Variants in BTG4 observed in about 807,000 individuals in gnomAD.
BTG4 encodes the protein BTG anti-proliferation factor 4.
Under a neutral mutation model 19.3 loss-of-function variants are expected in BTG4, and 10 were observed. The ratio of observed to expected loss-of-function variants is 0.52; its 90% CI spans 0.32 to 0.88. The LOEUF is 0.88. Ranked by LOEUF, BTG4 falls within the 40% of genes least tolerant of loss-of-function variation. BTG4 has a pLI of 0.04. For synonymous variants in BTG4, 91 were observed against 95.7 expected (o/e 0.95, Z 0.29); for missense variants, 238 against 281.9 (o/e 0.84, Z 1.11).
chr11:111,389,735 T>G, the BTG4 span, among the ~76,000 whole-genome samples: 1 of 152,234 alleles, frequency 6.6e-6, no homozygotes, highest in Non-Finnish European at 1.5e-5. Context: ...GTATAATAAA[T>G]GTAACAGGTG....
intron 1 of BTG4, among the ~76,000 whole-genome samples, chr11:111,503,188 T>C (rs1866208629): frequency 6.6e-6 from 1 of 152,220 alleles, no homozygotes; most frequent in Admixed American, 6.5e-5. Flanking sequence ...ACTCAAAATT[T>C]ACCCCAAGTT....
chr11:111,419,005 TC>T, the BTG4 span, among the ~76,000 whole-genome samples: 1 of 152,232 alleles, frequency 6.6e-6, no homozygotes, highest in East Asian at 1.9e-4. Flanking sequence ...CCGCCTTCTC[TC>T]TTTGTCTTCA....
upstream of BTG4, chr11:111,512,823 G>C (rs1366736006): frequency 6.0e-6 from 2 of 335,830 alleles, no homozygotes; most frequent in African/African-American, 2.3e-5. Context: ...GTGTCCTCGG[G>C]GGCCGCTTGC....
the BTG4 span, chr11:111,457,708 GC>G: frequency 7.4e-6 from 1 of 135,966 alleles, no homozygotes; most frequent in East Asian, 2.1e-4. Context: ...TCTACCCCCT[GC>G]CCCCTCCCTC....
chr11:111,417,496 T>C, the BTG4 span: 1 of 21,958 alleles, frequency 4.6e-5, no homozygotes, highest in African/African-American at 7.8e-5. Context: ...GCTCTTTTGG[T>C]TCCATCTTGC....
chr11:111,415,703 A>G, the BTG4 span, among the ~76,000 whole-genome samples: 2 of 152,148 alleles, frequency 1.3e-5, no homozygotes, highest in Non-Finnish European at 2.9e-5. Context: ...GGCTGGGCCT[A>G]CGGGGTGGGG....
the BTG4 span, among the ~76,000 whole-genome samples, chr11:111,401,836 G>A: frequency 6.6e-6 from 1 of 152,284 alleles, no homozygotes; most frequent in African/African-American, 2.4e-5. Context: ...CTAACTCAGA[G>A]TAGGCTCTCA....
At chr11:111,469,312 T>G (rs1863915761) in intron 5 of BTG4, 1 of 152,276 alleles carries the variant, frequency 6.6e-6, no homozygotes, top group African/African-American at 2.4e-5. Flanking sequence ...CCACCAGGAC[T>G]CCAGCCCTGC....
the BTG4 span, among the ~76,000 whole-genome samples, chr11:111,408,901 TC>T: frequency 6.6e-6 from 1 of 152,186 alleles, no homozygotes; most frequent in Non-Finnish European, 1.5e-5. Flanking sequence ...CGTGCTGTGA[TC>T]AAGGAGACAC....
intron 1 of BTG4, among the ~76,000 whole-genome samples, chr11:111,501,136 C>T (rs112466505): frequency 6.6e-6 from 1 of 151,860 alleles, no homozygotes; most frequent in Non-Finnish European, 1.5e-5. Flanking sequence ...TGGTCCCAGG[C>T]GAAAGGATCA....
chr11:111,474,569 T>A (rs1046223514), intron 5 of BTG4, among the ~76,000 whole-genome samples: 2 of 152,000 alleles, frequency 1.3e-5, no homozygotes, highest in African/African-American at 4.8e-5. Flanking sequence ...TACTTACTCA[T>A]TCAACTGTTG....
chr11:111,479,272 CT>C (rs2135565586), intron 5 of BTG4, among the ~76,000 whole-genome samples: 1 of 152,106 alleles, frequency 6.6e-6, no homozygotes, highest in Admixed American at 6.6e-5. Flanking sequence ...GGGAAATATT[CT>C]TTAAGAATGA....
intron 5 of BTG4, among the ~76,000 whole-genome samples, chr11:111,480,378 CA>C (rs1278565540): frequency 6.6e-6 from 1 of 151,978 alleles, no homozygotes; most frequent in Non-Finnish European, 1.5e-5. Context: ...TTGGAGACTT[CA>C]ATACCTCCTC....
At chr11:111,392,428 C>T in the BTG4 span, among the ~76,000 whole-genome samples, 29 of 152,124 alleles carry the variant, frequency 1.9e-4, 1 homozygote, top group East Asian at 4.8e-3. Context: ...CAGCCCGCCT[C>T]GGCCTCCCAA....
At chr11:111,443,509 C>G in the BTG4 span, among the ~76,000 whole-genome samples, 1 of 152,098 alleles carries the variant, frequency 6.6e-6, no homozygotes, top group East Asian at 1.9e-4. Context: ...TTCTGTAAAT[C>G]TAAAACTGTT....
chr11:111,405,774 T>C, the BTG4 span, among the ~76,000 whole-genome samples: 1 of 152,248 alleles, frequency 6.6e-6, no homozygotes, highest in Admixed American at 6.5e-5. Flanking sequence ...TGCTACTTGC[T>C]AGCTGTGTGA....
At chr11:111,474,758 C>T (rs751244374) in intron 5 of BTG4, among the ~76,000 whole-genome samples, 12 of 152,158 alleles carry the variant, frequency 7.9e-5, no homozygotes, top group East Asian at 1.9e-4. Context: ...AAACTATTTA[C>T]TGCCAACAGT....
chr11:111,495,505 A>T (rs907951414), intron 4 of BTG4, among the ~76,000 whole-genome samples, 191 bp from the exon 5 acceptor site: 2 of 152,202 alleles, frequency 1.3e-5, no homozygotes, highest in Admixed American at 1.3e-4. Flanking sequence ...GTACCTTTTT[A>T]AAAAGTTAAT....
chr11:111,448,781 T>A, the BTG4 span: 6 of 152,338 alleles, frequency 3.9e-5, no homozygotes, highest in Non-Finnish European at 7.4e-5. Context: ...GGTTTCCAAG[T>A]GACTTGGGGA....
Sources: gnomAD v4.1 joint callset for allele counts (sites outside exome capture counted in the v4.1 genomes callset) on GRCh38, gnomAD v4.1.1 for gene constraint, MANE v1.5 for transcripts, NCBI Gene and HGNC (gene_info 2026-07-23, HGNC 2026-07-21) for gene names.